Variants in FGF10 observed in about 807,000 individuals in gnomAD.
FGF10 encodes FGF-10.
FGF10 carries 2 observed loss-of-function variants against 19.8 expected under a neutral mutation model. The observed-to-expected ratio is 0.10, with a 90% CI of 0.04 to 0.32. The LOEUF (loss-of-function observed/expected upper bound fraction) is 0.32, where lower values mean the gene tolerates loss of function less well. FGF10 is among the 10% of genes least tolerant of loss of function. The pLI is 1.00. For missense variants in FGF10, 191 were observed against 246.3 expected (o/e 0.78, Z 1.50); for synonymous variants, 112 against 94.0 (o/e 1.19, Z -1.10).
rs1739960157 is a variant in FGF10, at chr5:44,301,320, A to G, written c.*3675T>C. Reference sequence around the variant, plus strand: ...GCTGAACCCTTCAGTAATATGAAAAAGGTAAATTTTACTTCACTGAATAAT... The same window carrying G: ...GCTGAACCCTTCAGTAATATGAAAAGGGTAAATTTTACTTCACTGAATAAT... On this transcript the variant is annotated 3_prime_UTR_variant, in exon 3 of 3. Coordinates refer to ENST00000264664, the MANE Select transcript of FGF10 (RefSeq NM_004465.2). Among the ~76,000 whole-genome samples the G allele has an allele frequency of 6.6e-6, 1 of 152,170 alleles. No individual in the cohort carries two copies. The highest frequency in any genetic ancestry group is 2.1e-4 in the South Asian group (1 of 4,826).
chr5:44,362,792 C>A (rs995513875), intron 1 of FGF10, among the ~76,000 whole-genome samples: 1 of 151,530 alleles, frequency 6.6e-6, no homozygotes, highest in African/African-American at 2.4e-5. Context: ...TGAATTGACA[C>A]TATTCAGCTC....
rs993675503 is a variant in FGF10 at position 44,301,460 on chromosome 5, T to C, written c.*3535A>G. Among the ~76,000 whole-genome samples, 2 of 150,814 alleles carry C rather than the reference T, an allele frequency of 1.3e-5. No homozygotes were observed. Among genetic ancestry groups the C allele is most frequent in the African/African-American group, 2.4e-5 (1 of 41,402 alleles). On this transcript the variant is annotated 3_prime_UTR_variant, in exon 3 of 3. Coordinates refer to ENST00000264664, the MANE Select transcript of FGF10 (RefSeq NM_004465.2). Reference sequence around the variant, plus strand: ...GCCCTGGAAGCAACTTGCATTATTATGTATTTTTTCTCTCTAATTTTCAAA... The same window carrying C: ...GCCCTGGAAGCAACTTGCATTATTACGTATTTTTTCTCTCTAATTTTCAAA...
At chr5:44,345,595 T>G (rs776040172) in intron 1 of FGF10, among the ~76,000 whole-genome samples, 1 of 150,522 alleles carries the variant, frequency 6.6e-6, no homozygotes, top group Non-Finnish European at 1.5e-5. Context: ...ATAGAAAGTT[T>G]TTCCCCATTG....
chr5:44,302,279 C>T lies in FGF10; in HGVS notation c.*2716G>A, dbSNP rs369463403. On this transcript the variant is annotated 3_prime_UTR_variant, in exon 3 of 3. Transcript: ENST00000264664. ...CCTTCTTTCCTTCCTTCCTTCTTTC[C>T]TTGCTTCCTTCCTTCCTTCCTTCCT... is the stretch of plus-strand genomic sequence containing the variant. Among the ~76,000 whole-genome samples the T allele has an allele frequency of 7.3e-5, 9 of 123,040 alleles. No homozygotes were observed. The highest frequency in any genetic ancestry group is 4.6e-4 in the East Asian group (2 of 4,368). 80.7% of individuals were successfully genotyped at this position (123,040 alleles called of 152,430 possible).
intron 1 of FGF10, among the ~76,000 whole-genome samples, chr5:44,345,764 TG>T (rs1364633753): frequency 6.6e-6 from 1 of 151,746 alleles, no homozygotes; most frequent in Non-Finnish European, 1.5e-5. Context: ...CTTCTATACT[TG>T]GAAAGTTTTC....
chr5:44,332,695 T>A (rs1290210313), intron 1 of FGF10, among the ~76,000 whole-genome samples: 1 of 152,174 alleles, frequency 6.6e-6, no homozygotes, highest in African/African-American at 2.4e-5. Flanking sequence ...GTGATTTCAG[T>A]GCTGCTGGTC....
intron 1 of FGF10, among the ~76,000 whole-genome samples, chr5:44,365,548 A>G (rs1040773680): frequency 1.3e-5 from 2 of 151,868 alleles, no homozygotes; most frequent in African/African-American, 4.8e-5. Context: ...TATGCTTGCA[A>G]TGAAAATGGT....
chr5:44,315,802 G>A (rs995281925), intron 1 of FGF10, among the ~76,000 whole-genome samples: 1 of 152,094 alleles, frequency 6.6e-6, no homozygotes, highest in Non-Finnish European at 1.5e-5. Flanking sequence ...GCTCCTTGGG[G>A]TTGTTATCAC....
chr5:44,368,532 G>A (rs1224272275), intron 1 of FGF10, among the ~76,000 whole-genome samples: 2 of 152,050 alleles, frequency 1.3e-5, no homozygotes, highest in African/African-American at 4.8e-5. Flanking sequence ...ATTGTCAGTG[G>A]TTACATACTG....
At chr5:44,362,225 T>C (rs990156316) in intron 1 of FGF10, among the ~76,000 whole-genome samples, 3 of 151,714 alleles carry the variant, frequency 2.0e-5, no homozygotes, top group Non-Finnish European at 4.4e-5. Context: ...TGATGTGTGC[T>C]ACTTTCCGTC....
At chr5:44,320,582 C>G (rs995859874) in intron 1 of FGF10, among the ~76,000 whole-genome samples, 6 of 152,206 alleles carry the variant, frequency 3.9e-5, no homozygotes, top group Admixed American at 3.9e-4. Flanking sequence ...CACATTCATT[C>G]TGCAAGCCTG....
chr5:44,352,959 A>G (rs565713435), intron 1 of FGF10, among the ~76,000 whole-genome samples: 2 of 151,614 alleles, frequency 1.3e-5, no homozygotes, highest in Non-Finnish European at 3.0e-5. Context: ...AGAATTGTTG[A>G]GATACGTTCT....
At chr5:44,377,207 C>A (rs894475491) in intron 1 of FGF10, among the ~76,000 whole-genome samples, 1 of 152,226 alleles carries the variant, frequency 6.6e-6, no homozygotes, top group African/African-American at 2.4e-5. Flanking sequence ...TGATGTCATG[C>A]ATCTCTCCCT....
chr5:44,305,305 T>C (rs1470530338), intron 2 of FGF10, 113 bp from the exon 3 acceptor site: 29 of 915,842 alleles, frequency 3.2e-5, no homozygotes, highest in Admixed American at 5.8e-5. Flanking sequence ...TTGCCATTTG[T>C]ACCTAAGTTG....
chr5:44,362,507 C>G (rs1178911729), intron 1 of FGF10, among the ~76,000 whole-genome samples: 2 of 151,618 alleles, frequency 1.3e-5, no homozygotes, highest in Non-Finnish European at 3.0e-5. Context: ...CACAAAGCAA[C>G]TTACTATATT....
intron 1 of FGF10, among the ~76,000 whole-genome samples, chr5:44,337,041 G>C (rs964269373): frequency 6.6e-6 from 1 of 152,108 alleles, no homozygotes; most frequent in Non-Finnish European, 1.5e-5. Flanking sequence ...AAATAAGATA[G>C]AGTACCACTA....
chr5:44,362,986 G>A (rs1256195753), intron 1 of FGF10, among the ~76,000 whole-genome samples: 1 of 151,656 alleles, frequency 6.6e-6, no homozygotes, highest in East Asian at 1.9e-4. Context: ...ATATTTCACG[G>A]GGCCTGGCAT....
At chr5:44,381,654 C>T (rs1258766745) in intron 1 of FGF10, among the ~76,000 whole-genome samples, 1 of 152,106 alleles carries the variant, frequency 6.6e-6, no homozygotes, top group Non-Finnish European at 1.5e-5. Flanking sequence ...TCAAGTTGTC[C>T]TCAACACAGG....
At chr5:44,339,104 A>G (rs1740913604) in intron 1 of FGF10, among the ~76,000 whole-genome samples, 1 of 152,222 alleles carries the variant, frequency 6.6e-6, no homozygotes, top group Admixed American at 6.5e-5. Flanking sequence ...TGATTTAAAG[A>G]GGGTATTTTA....
Sources: allele counts gnomAD v4.1 joint callset (sites outside exome capture counted in the v4.1 genomes callset), GRCh38; gene constraint gnomAD v4.1.1; transcripts MANE v1.5; gene names NCBI Gene and HGNC (gene_info 2026-07-23, HGNC 2026-07-21).